Variants in CFHR4 observed in about 807,000 individuals in gnomAD.
CFHR4 encodes complement factor H related 4.
A neutral mutation model predicts 69.3 loss-of-function variants in CFHR4; 64 were observed. The observed-to-expected ratio is 0.92, with a 90% CI of 0.76 to 1.14. The LOEUF is 1.14. Ranked by LOEUF, CFHR4 falls within the 50% of genes most tolerant of loss-of-function variation. The pLI is 0.00. For synonymous variants in CFHR4, 244 were observed against 237.0 expected (o/e 1.03, Z -0.27); for missense variants, 636 against 684.9 (o/e 0.93, Z 0.80).
At position 196,918,212 on chromosome 1, in the gene CFHR4, C is replaced by T. The variant is rs565978037; in HGVS notation, c.1543C>T (p.Pro515Ser). 8.7e-6 allele frequency: 14 copies of T among 1,602,214 alleles called. No homozygotes were observed. Among genetic ancestry groups the T allele is most frequent in the South Asian group, 5.5e-5 (5 of 90,654 alleles). Residue 515 changes from proline (P) to serine (S), a missense_variant and splice_region_variant, in exon 10 of 10, where the codon CCA becomes TCA. Pro to Ser is a moderately conservative substitution (Grantham distance 74). Coordinates refer to ENST00000608469, the MANE Select transcript of CFHR4 (RefSeq NM_001201550.3). ...EWSEPPRCIH[P>S]CIITEENMNK... is the part of the protein sequence containing the mutation. ...ATTGTTTCTTTTTCTGCTTTCAGATCCATGTATAATAACTGAAGAAAACAT... is the reference window on the plus strand; with the variant it reads ...ATTGTTTCTTTTTCTGCTTTCAGATTCATGTATAATAACTGAAGAAAACAT...
At position 196,902,426 on chromosome 1, in the gene CFHR4, C is replaced by A; in HGVS notation, c.67C>A (p.Pro23Thr). The change falls in exon 2 of 10, where the codon CCT becomes ACT. Residue 23 changes from proline to threonine, a missense_variant. Coordinates refer to ENST00000608469, the MANE Select transcript of CFHR4 (RefSeq NM_001201550.3). ...VSCANGQEVK[P>T]CDFPEIQHGG... ...TTGTTTTTTATTACAAGAAGTGAAA[C>A]CTTGTGATTTTCCAGAAATTCAACA... 1 of 1,602,766 alleles carries A rather than the reference C, an allele frequency of 6.2e-7. No individual in the cohort carries two copies. Among genetic ancestry groups the A allele is most frequent in the Non-Finnish European group, 8.5e-7 (1 of 1,173,542 alleles).
At chr1:196,890,999 C>A (rs1371077610) in intron 1 of CFHR4, among the ~76,000 whole-genome samples, 1 of 151,444 alleles carries the variant, frequency 6.6e-6, no homozygotes, top group Non-Finnish European at 1.5e-5. Context: ...TGGCTGTAAT[C>A]CCAGCAATTT....
intron 1 of CFHR4, among the ~76,000 whole-genome samples, chr1:196,897,157 A>T (rs749369794): frequency 6.4e-4 from 97 of 151,598 alleles, no homozygotes; most frequent in Admixed American, 1.1e-3. Context: ...TCAAGATGAA[A>T]TGGGGGAGTT....
At chr1:196,898,033 T>C (rs2124943041) in intron 1 of CFHR4, among the ~76,000 whole-genome samples, 2 of 151,602 alleles carry the variant, frequency 1.3e-5, no homozygotes, top group East Asian at 3.9e-4. Flanking sequence ...TACTCAGGCC[T>C]TCCTTATTTG....
intron 3 of CFHR4, among the ~76,000 whole-genome samples, chr1:196,906,018 C>G (rs1403782784): frequency 1.3e-5 from 2 of 151,356 alleles, no homozygotes; most frequent in East Asian, 3.9e-4. Context: ...TAGGCATTCA[C>G]CAAGATTTGT....
In CFHR4 at chr1:196,907,367, C is replaced by T. The variant is rs1302065882; in HGVS notation, c.668C>T (p.Thr223Met). ...PPPPISNGDT[T>M]SFPQKVYLPW... Reference sequence around the variant, plus strand: ...CCACCTATTAGCAATGGAGATACCACGTCCTTCCCGCAAAAAGTGTATCTG... The same window carrying T: ...CCACCTATTAGCAATGGAGATACCATGTCCTTCCCGCAAAAAGTGTATCTG... Residue 223 changes from threonine (T) to methionine (M), a missense_variant, in exon 5 of 10, where the codon ACG (threonine) becomes ATG (methionine). Coordinates refer to ENST00000608469, the MANE Select transcript of CFHR4 (RefSeq NM_001201550.3). 13 of 1,611,870 alleles carry T rather than the reference C, an allele frequency of 8.1e-6. 1 individual carries two copies. The highest frequency in any genetic ancestry group is 3.3e-5 in the Admixed American group (2 of 59,870).
chr1:196,892,341 C>T (rs1310182635), intron 1 of CFHR4, among the ~76,000 whole-genome samples: 2 of 151,412 alleles, frequency 1.3e-5, no homozygotes, highest in African/African-American at 2.4e-5. Flanking sequence ...GTTATGGTTG[C>T]TGTAATCCCA....
At chr1:196,906,283 C>T (rs888339771) in intron 3 of CFHR4, among the ~76,000 whole-genome samples, 4 of 151,366 alleles carry the variant, frequency 2.6e-5, no homozygotes, top group African/African-American at 9.7e-5. Flanking sequence ...AATATCAATT[C>T]GTACATTTCT....
At chr1:196,908,524 G>A (rs749044833) in intron 5 of CFHR4, among the ~76,000 whole-genome samples, 37 of 150,836 alleles carry the variant, frequency 2.5e-4, no homozygotes, top group Non-Finnish European at 4.7e-4. Flanking sequence ...CTCTCCCCTC[G>A]TCCCAGAATG....
chr1:196,893,301 G>A (rs184231751), intron 1 of CFHR4, among the ~76,000 whole-genome samples: 37 of 151,692 alleles, frequency 2.4e-4, no homozygotes, highest in Non-Finnish European at 1.5e-5. Flanking sequence ...CTTTTGATGA[G>A]GACTGTCACA....
chr1:196,897,221 C>T (rs963474800), intron 1 of CFHR4, among the ~76,000 whole-genome samples: 1 of 151,606 alleles, frequency 6.6e-6, no homozygotes, highest in African/African-American at 2.4e-5. Context: ...TTTGTCGCCC[C>T]GCAGCTCAAA....
intron 5 of CFHR4, 123 bp downstream of exon 5, chr1:196,907,621 A>AAT: frequency 1.3e-6 from 1 of 758,364 alleles, no homozygotes; most frequent in Non-Finnish European, 2.1e-6. Flanking sequence ...TATTCTGCTG[A>AAT]ATATTTGCCT....
chr1:196,912,821 T>C lies in CFHR4; in HGVS notation c.1079T>C (p.Ile360Thr), dbSNP rs751494179. 14 of 1,605,934 alleles carry C rather than the reference T, an allele frequency of 8.7e-6. No individual in the cohort carries two copies. The highest frequency in any genetic ancestry group is 8.5e-7 in the Non-Finnish European group (1 of 1,176,546). ...SSSIYILNKE[I>T]QYKCKPGYAT... ...TCTATTTATATTTTAAATAAAGAAA[T>C]ACAATATAAATGTAAACCAGGATAT... Residue 360 changes from isoleucine to threonine, a missense_variant, in exon 7 of 10, where the codon ATA (isoleucine) becomes ACA (threonine). Around this residue, in one of 3 missense-constraint regions of CFHR4, gnomAD observed 529 missense variants for 533.2 expected, o/e 0.99. Coordinates refer to ENST00000608469, the MANE Select transcript of CFHR4 (RefSeq NM_001201550.3).
chr1:196,912,280 T>C (rs1022649379), intron 6 of CFHR4, among the ~76,000 whole-genome samples: 1 of 151,406 alleles, frequency 6.6e-6, no homozygotes, highest in African/African-American at 2.4e-5. Context: ...CTTTAAATTC[T>C]TGGAGACAAC....
chr1:196,894,441 T>A (rs901648245), intron 1 of CFHR4, among the ~76,000 whole-genome samples: 1 of 151,538 alleles, frequency 6.6e-6, no homozygotes, highest in African/African-American at 2.4e-5. Context: ...TCTAGTATTA[T>A]TTCACTTTAC....
At chr1:196,903,811 T>C (rs778176444) in intron 2 of CFHR4, among the ~76,000 whole-genome samples, 3 of 151,522 alleles carry the variant, frequency 2.0e-5, no homozygotes, top group Non-Finnish European at 4.4e-5. Context: ...TATAAAATTA[T>C]AGCATTAATT....
chr1:196,897,112 A>C (rs1396983888), intron 1 of CFHR4, among the ~76,000 whole-genome samples: 1 of 151,626 alleles, frequency 6.6e-6, no homozygotes, highest in South Asian at 2.1e-4. Context: ...AAAAAAGAAA[A>C]GGACTGAACT....
chr1:196,906,441 T>C (rs1006469367), intron 3 of CFHR4, among the ~76,000 whole-genome samples: 2 of 151,502 alleles, frequency 1.3e-5, no homozygotes, highest in African/African-American at 4.9e-5. Context: ...GTATATCCAA[T>C]GAATATAATT....
chr1:196,910,149 CTAA>C, intron 5 of CFHR4, 129 bp from the exon 6 acceptor site: 1 of 535,754 alleles, frequency 1.9e-6, no homozygotes, highest in African/African-American at 2.4e-5. Context: ...GAAATTTCAT[CTAA>C]AAAAAAAAAA....
Sources: gnomAD v4.1 joint callset for allele counts (sites outside exome capture counted in the v4.1 genomes callset) on GRCh38, gnomAD v4.1.1 for gene constraint, gnomAD v4.1.1 regional missense constraint, MANE v1.5 for transcripts, NCBI Gene and HGNC (gene_info 2026-07-23, HGNC 2026-07-21) for gene names.